Variants in CDH13 observed in about 807,000 individuals in gnomAD.
The protein encoded by CDH13 is cadherin 13.
In CDH13, 24 loss-of-function variants were observed where a neutral mutation model predicts 63.8. That is an observed-to-expected ratio of 0.38 (90% CI 0.27 to 0.53). The LOEUF is 0.53. Ranked by LOEUF, CDH13 falls within the 20% of genes least tolerant of loss-of-function variation. The probability of loss-of-function intolerance (pLI) is 0.85; values close to 1 mark genes in which losing one functional copy is unlikely to be tolerated. For synonymous variants in CDH13, 503 were observed against 355.3 expected, an observed-to-expected ratio of 1.42 and a Z score of -4.67; for missense variants, 1,049 against 903.1, an observed-to-expected ratio of 1.16 and a Z score of -2.07.
chr16:83,063,256 C>T (rs534983054), intron 3 of CDH13, among the ~76,000 whole-genome samples: 15 of 152,248 alleles, frequency 9.9e-5, no homozygotes, highest in Admixed American at 3.3e-4. Context: ...GCTATCACGC[C>T]CAGCCTGGTG....
intron 7 of CDH13, among the ~76,000 whole-genome samples, chr16:83,567,979 C>G (rs1200514233): frequency 6.6e-6 from 1 of 152,184 alleles, no homozygotes; most frequent in African/African-American, 2.4e-5. Flanking sequence ...GAGTGCTGCC[C>G]ACATTCACTT....
At chr16:82,977,371 A>G (rs780329649) in intron 2 of CDH13, among the ~76,000 whole-genome samples, 31 of 152,190 alleles carry the variant, frequency 2.0e-4, no homozygotes, top group Non-Finnish European at 2.2e-4. Context: ...GCACACTGAT[A>G]TGGTTTGGCT....
In CDH13 at chr16:83,476,146, C is replaced by T. The variant is rs547416228; in HGVS notation, c.782-10331C>T. 2.6e-5 allele frequency among the ~76,000 whole-genome samples: 4 copies of T among 152,290 alleles called. No individual in the cohort carries two copies. In the East Asian group the frequency reaches 5.8e-4, roughly 22 times the overall value. On this transcript the variant is annotated intron_variant, in intron 6 of 13. Transcript: ENST00000567109. ...CACTTGTGCATTTGGCAAATGTTTA[C>T]TAGACTCTTAATACATGCAAAGCAT...
intron 10 of CDH13, among the ~76,000 whole-genome samples, chr16:83,714,979 A>G (rs1024739312): frequency 2.1e-4 from 32 of 152,162 alleles, no homozygotes; most frequent in African/African-American, 7.2e-4. Context: ...TTGCGAGCTC[A>G]GGTACTTGTT....
At chr16:82,764,028 A>T (rs1408798535) in intron 1 of CDH13, among the ~76,000 whole-genome samples, 4 of 152,194 alleles carry the variant, frequency 2.6e-5, no homozygotes, top group African/African-American at 7.2e-5. Flanking sequence ...TGCATCTCAC[A>T]TTCCAAACTG....
At chr16:83,456,189 G>A (rs1030649753) in intron 6 of CDH13, among the ~76,000 whole-genome samples, 4 of 152,226 alleles carry the variant, frequency 2.6e-5, no homozygotes, top group Non-Finnish European at 5.9e-5. Flanking sequence ...CAGCAAACAA[G>A]GCAGACACAT....
chr16:83,193,998 A>G lies in CDH13; in HGVS notation c.484-23347A>G, dbSNP rs191275847. Among the ~76,000 whole-genome samples, 48 of 152,298 alleles carry G rather than the reference A, an allele frequency of 3.2e-4. No homozygotes were observed. The East Asian group carries it at 8.3e-3, about 26-fold the overall frequency. ...CACAATACGAGGAGGGAAGAGTCCG[A>G]TGTTTTCATTAGAAAAGCTGCCACC... On this transcript the variant is annotated intron_variant, in intron 4 of 13. Coordinates refer to ENST00000567109, the MANE Select transcript of CDH13 (RefSeq NM_001257.5).
intron 1 of CDH13, among the ~76,000 whole-genome samples, chr16:82,630,308 G>A (rs1436945672): frequency 1.3e-5 from 2 of 152,206 alleles, no homozygotes; most frequent in Middle Eastern, 6.3e-3. Context: ...AAAGGAGTCA[G>A]TGATAGAGTT....
At chr16:83,794,374 G>A (rs1916467785) in intron 13 of CDH13, among the ~76,000 whole-genome samples, 3 of 151,906 alleles carry the variant, frequency 2.0e-5, no homozygotes, top group Non-Finnish European at 4.4e-5. Context: ...ACAACATGGC[G>A]AAACTCCATC....
chr16:82,798,264 G>A (rs78492006), intron 1 of CDH13, among the ~76,000 whole-genome samples: 6,565 of 152,242 alleles, frequency 0.043, 212 homozygotes, highest in Non-Finnish European at 0.063. Flanking sequence ...GTACATCAAA[G>A]CAGTTAAGCA....
At chr16:83,502,404 G>A (rs972478467) in intron 7 of CDH13, among the ~76,000 whole-genome samples, 4 of 152,114 alleles carry the variant, frequency 2.6e-5, no homozygotes, top group African/African-American at 9.7e-5. Flanking sequence ...AAAAAAAAAG[G>A]CAAGGAGAGA....
chr16:83,023,205 A>G (rs2151458409), intron 2 of CDH13: 1 of 152,272 alleles, frequency 6.6e-6, no homozygotes, highest in Admixed American at 6.5e-5. Flanking sequence ...AGCCCAGGGG[A>G]CATTTTGAGT....
chr16:83,511,825 C>G (rs1426681840), intron 7 of CDH13, among the ~76,000 whole-genome samples: 2 of 152,132 alleles, frequency 1.3e-5, no homozygotes, highest in African/African-American at 2.4e-5. Flanking sequence ...AAGCCCGACA[C>G]CCATAGCACA....
chr16:83,071,851 A>G (rs1027255458), intron 3 of CDH13, among the ~76,000 whole-genome samples: 1 of 152,218 alleles, frequency 6.6e-6, no homozygotes, highest in African/African-American at 2.4e-5. Context: ...AGTTGTAAAT[A>G]TCCCATTTAT....
At chr16:82,987,475 C>T (rs1358953739) in intron 2 of CDH13, among the ~76,000 whole-genome samples, 3 of 152,176 alleles carry the variant, frequency 2.0e-5, no homozygotes, top group Non-Finnish European at 4.4e-5. Flanking sequence ...CTTCTAGGTT[C>T]AAGCAATTCT....
chr16:83,511,373 G>T (rs3924333), intron 7 of CDH13, among the ~76,000 whole-genome samples: 1 of 151,842 alleles, frequency 6.6e-6, no homozygotes, highest in African/African-American at 2.4e-5. Flanking sequence ...GAAGCAGGAA[G>T]ATTGCTTGAA....
chr16:83,559,428 G>C (rs369196440), intron 7 of CDH13, among the ~76,000 whole-genome samples: 2 of 152,020 alleles, frequency 1.3e-5, no homozygotes, highest in East Asian at 1.9e-4. Flanking sequence ...GAAATTAGCT[G>C]GGCATGGTGG....
At chr16:83,420,514 C>T (rs2071684634) in intron 6 of CDH13, among the ~76,000 whole-genome samples, 1 of 152,198 alleles carries the variant, frequency 6.6e-6, no homozygotes, top group South Asian at 2.1e-4. Context: ...ATTGCACAAG[C>T]ATTCTCATGT....
chr16:83,554,375 G>A (rs966978877), intron 7 of CDH13, among the ~76,000 whole-genome samples: 1 of 152,098 alleles, frequency 6.6e-6, no homozygotes, highest in African/African-American at 2.4e-5. Context: ...TTTCAAAGGA[G>A]GCATAGAAAG....
Sources: gnomAD v4.1 joint callset for allele counts (sites outside exome capture counted in the v4.1 genomes callset) on GRCh38, gnomAD v4.1.1 for gene constraint, MANE v1.5 for transcripts, NCBI Gene and HGNC (gene_info 2026-07-23, HGNC 2026-07-21) for gene names.